Variants in IL23R observed in about 807,000 individuals in gnomAD.
The protein encoded by IL23R is interleukin-23 receptor.
A neutral mutation model predicts 56.9 loss-of-function variants in IL23R; 34 were observed. The observed-to-expected ratio is 0.60, with a 90% CI of 0.45 to 0.80. The LOEUF (loss-of-function observed/expected upper bound fraction) is 0.80. Among genes scored for constraint, IL23R ranks in the 30% least tolerant of loss-of-function variants. The pLI is 0.00. For synonymous variants in IL23R, 230 were observed against 249.2 expected (o/e 0.92, Z 0.73); for missense variants, 635 against 730.0 (o/e 0.87, Z 1.50).
At chr1:67,211,962 G>A (rs1649507001) in intron 6 of IL23R, among the ~76,000 whole-genome samples, 1 of 152,112 alleles carries the variant, frequency 6.6e-6, no homozygotes, top group African/African-American at 2.4e-5. Context: ...TATAAATAGG[G>A]AAATAGAGTT....
At chr1:67,141,564 C>T (rs1259297918) in intron 1 of IL23R, among the ~76,000 whole-genome samples, 3 of 152,034 alleles carry the variant, frequency 2.0e-5, no homozygotes, top group Non-Finnish European at 2.9e-5. Context: ...TCAAGACCAG[C>T]GTAGGCAACA....
rs770106011 is a variant in IL23R, at chr1:67,206,974, AATTT to A, written c.721_724del (p.Tyr241GlyfsTer14). ...TAAATGCTACAGTGCCCAAGACCAT[AATTT>A]ATTGGGATAGTCAAACAACAATTGA... On this transcript the variant is annotated frameshift_variant, in exon 6 of 11. Transcript: ENST00000347310. LOFTEE classifies it high-confidence loss of function. The A allele has an allele frequency of 1.9e-6, 3 of 1,610,430 alleles. No individual in the cohort carries two copies. The highest frequency in any genetic ancestry group is 1.4e-5 in the African/African-American group (1 of 73,716).
At chr1:67,185,089 AT>A (rs1393650063) in intron 4 of IL23R, among the ~76,000 whole-genome samples, 1 of 152,146 alleles carries the variant, frequency 6.6e-6, no homozygotes, top group Non-Finnish European at 1.5e-5. Flanking sequence ...TAAACAATAA[AT>A]TTCTGTTGTT....
chr1:67,254,808 T>C (rs1312380502), intron 9 of IL23R, among the ~76,000 whole-genome samples: 3 of 152,244 alleles, frequency 2.0e-5, no homozygotes, highest in African/African-American at 7.2e-5. Context: ...CAATTTGTAC[T>C]GTCAATGCAG....
At chr1:67,264,085 C>G (rs570632673), downstream of IL23R, among the ~76,000 whole-genome samples, 1 of 152,192 alleles carries the variant, frequency 6.6e-6, no homozygotes, top group African/African-American at 2.4e-5. Flanking sequence ...GAAGCCTGTG[C>G]TTTAGAACTG....
intron 3 of IL23R, among the ~76,000 whole-genome samples, chr1:67,170,034 T>C (rs1217274139): frequency 1.3e-5 from 2 of 152,250 alleles, no homozygotes; most frequent in African/African-American, 4.8e-5. Context: ...TTTAATCTTC[T>C]TGTTTATTTT....
chr1:67,230,796 G>A (rs185027808), intron 7 of IL23R, among the ~76,000 whole-genome samples: 8 of 152,222 alleles, frequency 5.3e-5, no homozygotes, highest in Admixed American at 4.6e-4. Context: ...GGCTTCTGGT[G>A]CCTATTTGAT....
At chr1:67,235,609 G>T (rs532268645) in intron 7 of IL23R, among the ~76,000 whole-genome samples, 2 of 152,004 alleles carry the variant, frequency 1.3e-5, no homozygotes, top group Non-Finnish European at 2.9e-5. Flanking sequence ...GCCCAGGCTG[G>T]TCTCAACTCC....
intron 5 of IL23R, among the ~76,000 whole-genome samples, chr1:67,203,930 A>G (rs72676073): frequency 0.047 from 7,142 of 152,296 alleles, 260 homozygotes; most frequent in Middle Eastern, 0.13. Flanking sequence ...TCTGCCTGCC[A>G]TTTTGAATAT....
chr1:67,207,549 C>A, intron 6 of IL23R: 1 of 326,786 alleles, frequency 3.1e-6, no homozygotes, highest in Non-Finnish European at 5.9e-6. Flanking sequence ...CCACACTAGT[C>A]TCGTGATAGT....
At chr1:67,189,545 C>T (rs1203151558) in intron 4 of IL23R, among the ~76,000 whole-genome samples, 2 of 152,082 alleles carry the variant, frequency 1.3e-5, no homozygotes, top group East Asian at 3.9e-4. Flanking sequence ...ATGTTCTCCT[C>T]TAGAAAAGTC....
chr1:67,252,978 AG>A (rs1194575975), intron 9 of IL23R, among the ~76,000 whole-genome samples: 6 of 152,184 alleles, frequency 3.9e-5, no homozygotes, highest in African/African-American at 7.2e-5. Flanking sequence ...TTACTGTTAC[AG>A]GCACATACTC....
intron 5 of IL23R, among the ~76,000 whole-genome samples, chr1:67,204,141 G>C (rs1271955300): frequency 6.6e-6 from 1 of 152,028 alleles, no homozygotes; most frequent in Non-Finnish European, 1.5e-5. Context: ...TCGGCTCACT[G>C]CAAGCTCCGC....
chr1:67,185,273 A>G (rs1647261839), intron 4 of IL23R, among the ~76,000 whole-genome samples: 1 of 152,158 alleles, frequency 6.6e-6, no homozygotes, highest in South Asian at 2.1e-4. Flanking sequence ...ATTTGAACAT[A>G]GGTTGCCTGA....
intron 1 of IL23R, among the ~76,000 whole-genome samples, chr1:67,148,418 G>A (rs918865982): frequency 1.3e-5 from 2 of 152,242 alleles, no homozygotes; most frequent in Non-Finnish European, 2.9e-5. Context: ...TGTCCCTCCC[G>A]CTATGCGCTC....
At chr1:67,163,468 CAAAAAAAAAAAAA>C (rs57495148), upstream of IL23R, among the ~76,000 whole-genome samples, 5 of 49,586 alleles carry the variant, frequency 1.0e-4, no homozygotes, top group African/African-American at 1.9e-4. Flanking sequence ...GACCCTGTCT[CAAAAAAAAAAAAA>C]AAAAAAAAAA....
upstream of IL23R, among the ~76,000 whole-genome samples, chr1:67,163,631 G>A (rs931047626): frequency 2.0e-5 from 3 of 152,064 alleles, no homozygotes; most frequent in Admixed American, 6.6e-5. Context: ...TGATGAGAGC[G>A]AGTTCTCGTT....
rs1651760721 is a variant in IL23R at position 67,240,193 on chromosome 1, A to G, written c.1060A>G (p.Ile354Val). ...CCTTTCATTAGACAACAGAGGAGAC[A>G]TTGGACTTTTATTGGGAATGATCGT... Reference protein sequence around the residue: ...GHLTSDNRGDIGLLLGMIVFA... With the variant: ...GHLTSDNRGDVGLLLGMIVFA... Residue 354 changes from isoleucine (I) to valine (V), a missense_variant, in exon 9 of 11, where the codon ATT (isoleucine) becomes GTT (valine). By Grantham distance (29) the Ile-to-Val change is conservative. Transcript: ENST00000347310. The G allele has an allele frequency of 6.2e-7, 1 of 1,608,478 alleles. No individual in the cohort carries two copies. Among genetic ancestry groups the G allele is most frequent in the African/African-American group, 1.3e-5 (1 of 74,836 alleles).
At chr1:67,163,055 C>T (rs1032413973), upstream of IL23R, among the ~76,000 whole-genome samples, 2 of 152,114 alleles carry the variant, frequency 1.3e-5, no homozygotes, top group Admixed American at 1.3e-4. Flanking sequence ...TTAATGCACA[C>T]CTCACAGGAA....
Sources: gnomAD v4.1 joint callset for allele counts (sites outside exome capture counted in the v4.1 genomes callset) on GRCh38, gnomAD v4.1.1 for gene constraint, MANE v1.5 for transcripts, NCBI Gene and HGNC (gene_info 2026-07-23, HGNC 2026-07-21) for gene names.